Variants in ACOT13 observed in about 807,000 individuals in gnomAD.
The protein encoded by ACOT13 is acyl-CoA thioesterase 13, also known as acyl-coenzyme A thioesterase 13.
A neutral mutation model predicts 11.8 loss-of-function variants in ACOT13; 10 were observed. The observed-to-expected ratio is 0.85, with a 90% CI of 0.53 to 1.44. ACOT13 has a LOEUF of 1.44. Ranked by LOEUF, ACOT13 falls within the 40% of genes most tolerant of loss-of-function variation. The probability of loss-of-function intolerance (pLI) is 0.00; values close to 1 mark genes in which losing one functional copy is unlikely to be tolerated. For missense variants in ACOT13, 172 were observed against 174.1 expected (o/e 0.99, Z 0.07); for synonymous variants, 53 against 61.0 (o/e 0.87, Z 0.61).
At chr6:24,691,602 A>G (rs915910892) in intron 1 of ACOT13, among the ~76,000 whole-genome samples, 2 of 152,148 alleles carry the variant, frequency 1.3e-5, no homozygotes, top group African/African-American at 4.8e-5. Context: ...TTTAAATCTT[A>G]TCTGGAAAGA....
Position 24,704,799 on chromosome 6 carries a change from A to G in ACOT13, c.*3184A>G, listed in dbSNP as rs560504188. On this transcript the variant is annotated 3_prime_UTR_variant, in exon 3 of 3. Coordinates refer to ENST00000230048, the MANE Select transcript of ACOT13 (RefSeq NM_018473.4). ...TTACTATTTAGCCACAGACTATGAA[A>G]TAATTCTCTAAGGTGACCAGTAACA... 6.6e-6 allele frequency: 1 copy of G among 152,318 alleles called. No homozygotes were observed. The highest frequency in any genetic ancestry group is 1.9e-4 in the East Asian group (1 of 5,188). The allele number at this position is 152,318 out of a possible 1,614,324, so 9.4% of individuals were successfully genotyped here.
chr6:24,670,092 G>A (rs1562154140), intron 1 of ACOT13, among the ~76,000 whole-genome samples: 2 of 152,132 alleles, frequency 1.3e-5, no homozygotes, highest in East Asian at 1.9e-4. Context: ...CAAGTGGACT[G>A]TAAGTTTTGA....
chr6:24,685,316 C>T (rs1778611360), intron 1 of ACOT13, among the ~76,000 whole-genome samples: 1 of 127,646 alleles, frequency 7.8e-6, no homozygotes, highest in Non-Finnish European at 1.8e-5. Flanking sequence ...GACATGGTCT[C>T]TTTCCTTTTA....
chr6:24,699,869 G>A (rs1221816206), intron 2 of ACOT13, among the ~76,000 whole-genome samples: 1 of 152,130 alleles, frequency 6.6e-6, no homozygotes, highest in African/African-American at 2.4e-5. Flanking sequence ...ACATAGTTTT[G>A]GCCTTTCAAA....
intron 1 of ACOT13, among the ~76,000 whole-genome samples, chr6:24,682,909 C>T (rs557119436): frequency 1.6e-4 from 24 of 152,334 alleles, no homozygotes; most frequent in African/African-American, 4.8e-4. Context: ...TCCCACTGTG[C>T]TCTCAGGCAA....
chr6:24,679,090 T>C (rs1435240523), intron 1 of ACOT13, among the ~76,000 whole-genome samples: 1 of 152,232 alleles, frequency 6.6e-6, no homozygotes, highest in Non-Finnish European at 1.5e-5. Context: ...TTACTTCTAC[T>C]TGGACAATCT....
intron 1 of ACOT13, among the ~76,000 whole-genome samples, chr6:24,685,447 C>T (rs907211271): frequency 1.3e-5 from 2 of 150,696 alleles, no homozygotes; most frequent in East Asian, 2.0e-4. Context: ...CCCGGGTTCA[C>T]ACCATTCTCC....
intron 1 of ACOT13, among the ~76,000 whole-genome samples, chr6:24,680,743 C>T (rs1428551957): frequency 2.0e-5 from 3 of 152,120 alleles, no homozygotes; most frequent in Non-Finnish European, 4.4e-5. Context: ...ACCCAGCTGC[C>T]CCATCAAGAT....
At chr6:24,692,025 G>A (rs1255286913) in intron 1 of ACOT13, among the ~76,000 whole-genome samples, 1 of 152,182 alleles carries the variant, frequency 6.6e-6, no homozygotes, top group Non-Finnish European at 1.5e-5. Flanking sequence ...GCAGAAATAG[G>A]GAGATAAATT....
At chr6:24,695,593 T>G (rs1178737347) in intron 1 of ACOT13, among the ~76,000 whole-genome samples, 5 of 152,242 alleles carry the variant, frequency 3.3e-5, no homozygotes, top group African/African-American at 7.2e-5. Flanking sequence ...GTCTCTTCCT[T>G]TAGACACTGA....
intron 1 of ACOT13, among the ~76,000 whole-genome samples, chr6:24,670,701 A>AT (rs1778346468): frequency 6.6e-6 from 1 of 152,232 alleles, no homozygotes; most frequent in Non-Finnish European, 1.5e-5. Context: ...AATATGCTCC[A>AT]AATTTTGTTG....
chr6:24,667,411 C>T, intron 1 of ACOT13, 67 bp downstream of exon 1: 1 of 1,414,120 alleles, frequency 7.1e-7, no homozygotes. Context: ...TGCTTGGTGC[C>T]GTTGTGAGCT....
chr6:24,699,925 A>G (rs1479742630), intron 2 of ACOT13, among the ~76,000 whole-genome samples: 1 of 152,256 alleles, frequency 6.6e-6, no homozygotes, highest in Non-Finnish European at 1.5e-5. Flanking sequence ...CCTACGCTTC[A>G]AAAACTGATT....
chr6:24,677,638 C>T (rs1449086477), intron 1 of ACOT13, among the ~76,000 whole-genome samples: 1 of 152,230 alleles, frequency 6.6e-6, no homozygotes, highest in African/African-American at 2.4e-5. Flanking sequence ...AAGCTTACCA[C>T]TGGGGCTTGG....
chr6:24,684,300 G>A lies in ACOT13; in HGVS notation c.82-13583G>A, dbSNP rs1334607466. On this transcript the variant is annotated intron_variant, in intron 1 of 2. Coordinates refer to ENST00000230048, the MANE Select transcript of ACOT13 (RefSeq NM_018473.4). Reference sequence around the variant, plus strand: ...TTTGAAAGATAAGTTATCCAGAAAAGGATGTATTGGCCTAAGGGGATCTTT... The same window carrying A: ...TTTGAAAGATAAGTTATCCAGAAAAAGATGTATTGGCCTAAGGGGATCTTT... Among the ~76,000 whole-genome samples the A allele has an allele frequency of 2.0e-5, 3 of 152,346 alleles. No homozygotes were observed. In the East Asian group the frequency reaches 5.8e-4, roughly 29 times the overall value.
At chr6:24,673,212 T>C (rs910518988) in intron 1 of ACOT13, among the ~76,000 whole-genome samples, 3 of 152,272 alleles carry the variant, frequency 2.0e-5, no homozygotes, top group Non-Finnish European at 2.9e-5. Context: ...AGAAAAGACC[T>C]TCTGCAATGC....
intron 1 of ACOT13, among the ~76,000 whole-genome samples, chr6:24,691,006 G>T (rs1263319736): frequency 6.6e-6 from 1 of 152,126 alleles, no homozygotes; most frequent in Non-Finnish European, 1.5e-5. Context: ...GAAAATATCT[G>T]CTGATTTGTT....
chr6:24,682,239 G>A (rs905366112), intron 1 of ACOT13, among the ~76,000 whole-genome samples: 2 of 152,188 alleles, frequency 1.3e-5, no homozygotes, highest in Non-Finnish European at 2.9e-5. Flanking sequence ...AATAACAAGC[G>A]AAAGTGGTCC....
intron 1 of ACOT13, among the ~76,000 whole-genome samples, chr6:24,693,866 C>T (rs561999450): frequency 3.8e-4 from 57 of 151,930 alleles, no homozygotes; most frequent in East Asian, 7.8e-4. Context: ...TGGGATTATA[C>T]GTGTGCCCCA....
Sources: gnomAD v4.1 joint callset for allele counts (sites outside exome capture counted in the v4.1 genomes callset) on GRCh38, gnomAD v4.1.1 for gene constraint, MANE v1.5 for transcripts, NCBI Gene and HGNC (gene_info 2026-07-23, HGNC 2026-07-21) for gene names.